The following ATF7IP2 variants were observed in gnomAD, a reference collection of about 807,000 sequenced individuals.
ATF7IP2 encodes activating transcription factor 7-interacting protein 2.
ATF7IP2 carries 42 observed loss-of-function variants against 64.2 expected under a neutral mutation model. The ratio of observed to expected loss-of-function variants is 0.65; its 90% CI spans 0.51 to 0.85. The LOEUF (loss-of-function observed/expected upper bound fraction) is 0.85. Among genes scored for constraint, ATF7IP2 ranks in the 40% least tolerant of loss-of-function variants. ATF7IP2 has a pLI of 0.00. For synonymous variants in ATF7IP2, 308 were observed against 272.8 expected (o/e 1.13, Z -1.27); for missense variants, 933 against 784.2 (o/e 1.19, Z -2.27).
intron 12 of ATF7IP2, among the ~76,000 whole-genome samples, chr16:10,476,046 AT>A (rs1471046982): frequency 6.6e-6 from 1 of 152,186 alleles, no homozygotes; most frequent in East Asian, 1.9e-4. Flanking sequence ...AAGGAATATT[AT>A]TTACAAGAAA....
intron 3 of ATF7IP2, among the ~76,000 whole-genome samples, 161 bp from the exon 4 acceptor site, chr16:10,428,707 G>T (rs567083834): frequency 4.6e-5 from 7 of 152,064 alleles, no homozygotes; most frequent in Non-Finnish European, 7.4e-5. Flanking sequence ...GGAACCAGAA[G>T]GTAATCAGGA....
At chr16:10,441,264 C>A (rs2048611837) in intron 8 of ATF7IP2, among the ~76,000 whole-genome samples, 1 of 151,964 alleles carries the variant, frequency 6.6e-6, no homozygotes, top group African/African-American at 2.4e-5. Context: ...GGGTATATAC[C>A]CAGTAATGGG....
intron 3 of ATF7IP2, among the ~76,000 whole-genome samples, chr16:10,421,299 CTA>C (rs2047984134): frequency 6.6e-6 from 1 of 152,134 alleles, no homozygotes; most frequent in East Asian, 1.9e-4. Flanking sequence ...AATTAGAAAT[CTA>C]GAGTCTTCTC....
At chr16:10,417,851 T>A (rs2047910005) in intron 2 of ATF7IP2, among the ~76,000 whole-genome samples, 1 of 152,200 alleles carries the variant, frequency 6.6e-6, no homozygotes. Context: ...AACCCAGAAA[T>A]ACACCTTCTC....
intron 7 of ATF7IP2, among the ~76,000 whole-genome samples, chr16:10,439,217 G>GT (rs931314496): frequency 2.6e-5 from 4 of 151,954 alleles, no homozygotes; most frequent in Non-Finnish European, 5.9e-5. Flanking sequence ...CCAATTAGAA[G>GT]TTTGAGTTTT....
chr16:10,457,469 C>A lies in ATF7IP2; in HGVS notation c.1292C>A (p.Ser431Tyr). ...GTGAATTATGAGCCTTCTAACCCTT[C>A]CGAAAAAGGAAGTAAAAAAATTAAT... Reference protein sequence around the residue: ...SSVNYEPSNPSEKGSKKINLS... With the variant: ...SSVNYEPSNPYEKGSKKINLS... The change falls in exon 9 of 14, where the codon TCC (serine) becomes TAC (tyrosine). Residue 431 changes from serine (S) to tyrosine (Y), a missense_variant. Transcript: ENST00000562102. 1 of 1,595,242 alleles carries A rather than the reference C, an allele frequency of 6.3e-7. No homozygotes were observed.
In ATF7IP2 at chr16:10,471,932, A is replaced by C. The variant is rs2142069702; in HGVS notation, c.1353-178A>C. The C allele has an allele frequency of 9.5e-6, 4 of 422,672 alleles. No homozygotes were observed. In the East Asian group the frequency reaches 1.5e-4, roughly 16 times the overall value. The allele number at this position is 422,672 out of a possible 1,614,324, so 26.2% of individuals were successfully genotyped here. On this transcript the variant is annotated intron_variant, in intron 9 of 13. Coordinates refer to ENST00000562102, the MANE Select transcript of ATF7IP2 (RefSeq NM_001393719.1). ...GATGAATCTTTAGTCATATAACGGA[A>C]CTGGTAATAAATGGAGTTTTTTTGG...
intron 12 of ATF7IP2, among the ~76,000 whole-genome samples, chr16:10,475,804 G>C (rs2049988681): frequency 6.7e-6 from 1 of 148,156 alleles, no homozygotes; most frequent in Non-Finnish European, 1.5e-5. Flanking sequence ...ATTTAAACCT[G>C]ACCACACTGA....
intron 1 of ATF7IP2, among the ~76,000 whole-genome samples, chr16:10,389,879 C>G (rs1397868240): frequency 6.6e-6 from 1 of 152,192 alleles, no homozygotes; most frequent in African/African-American, 2.4e-5. Context: ...TAACTGCCAC[C>G]TGGCCTGAGT....
Position 10,482,374 on chromosome 16 carries a change from T to C in ATF7IP2, c.*125T>C. On this transcript the variant is annotated 3_prime_UTR_variant, in exon 14 of 14. Coordinates refer to ENST00000562102, the MANE Select transcript of ATF7IP2 (RefSeq NM_001393719.1). ...TGAGCCCTTTCTATTGGGACAGTCC[T>C]CTTCTATATGTTTTAAGTGGCCAGT... The C allele has an allele frequency of 1.5e-6, 1 of 681,406 alleles. No homozygotes were observed. The highest frequency in any genetic ancestry group is 3.2e-5 in the Admixed American group (1 of 31,508). 42.2% of individuals were successfully genotyped at this position (681,406 alleles called of 1,614,324 possible).
In ATF7IP2 at chr16:10,431,188, G is replaced by A. The variant is rs1256500590; in HGVS notation, c.568G>A (p.Gly190Ser). 1 of 1,614,092 alleles carries A rather than the reference G, an allele frequency of 6.2e-7. No individual in the cohort carries two copies. The highest frequency in any genetic ancestry group is 8.5e-7 in the Non-Finnish European group (1 of 1,180,016). ...MPESTVTSTV[G>S]DKKTDQMVFH... is the part of the protein sequence containing the mutation. ...AGAGTCTACAGTAACCAGTACCGTG[G>A]GTGACAAGAAAACTGACCAGATGGT... Residue 190 changes from glycine to serine, a missense_variant, in exon 5 of 14, where the codon GGT (glycine) becomes AGT (serine). Physicochemically the swap from Gly to Ser is moderately conservative, Grantham distance 56. Coordinates refer to ENST00000562102, the MANE Select transcript of ATF7IP2 (RefSeq NM_001393719.1).
At chr16:10,460,055 T>C (rs1257420503) in intron 9 of ATF7IP2, among the ~76,000 whole-genome samples, 1 of 152,138 alleles carries the variant, frequency 6.6e-6, no homozygotes, top group African/African-American at 2.4e-5. Context: ...AGATTAATTA[T>C]TAAAATTAAT....
In ATF7IP2 at chr16:10,416,662, T is replaced by G. The variant is rs773304149; in HGVS notation, c.-203+2050T>G. The stretch of plus-strand genomic sequence containing the variant: ...CACAAAAGTTAGCCTGGTGTGGTAG[T>G]GATGGGCACCTGTAATCCCTGCTAC... On this transcript the variant is annotated intron_variant, in intron 2 of 13. Transcript: ENST00000562102. Among the ~76,000 whole-genome samples the G allele has an allele frequency of 2.6e-5, 4 of 152,072 alleles. No homozygotes were observed. In the South Asian group the frequency reaches 8.3e-4, roughly 32 times the overall value.
chr16:10,400,185 C>T (rs376299360), intron 1 of ATF7IP2, among the ~76,000 whole-genome samples: 5 of 152,016 alleles, frequency 3.3e-5, no homozygotes, highest in South Asian at 2.1e-4. Flanking sequence ...GGATTACAGG[C>T]GCCTGCCACC....
chr16:10,476,711 G>C (rs1324837686), intron 12 of ATF7IP2, among the ~76,000 whole-genome samples: 1 of 151,968 alleles, frequency 6.6e-6, no homozygotes. Context: ...CTATGTCCAT[G>C]TGTTCTCATT....
chr16:10,475,722 G>GAAAAAAAAAAACAAA (rs2049979872), intron 12 of ATF7IP2, among the ~76,000 whole-genome samples: 1 of 41,646 alleles, frequency 2.4e-5, no homozygotes, highest in African/African-American at 1.2e-4. Context: ...TAAGAAGCCA[G>GAAAAAAAAAAACAAA]AAAAAAAAAA....
At chr16:10,441,604 T>C (rs1173094355) in intron 8 of ATF7IP2, among the ~76,000 whole-genome samples, 2 of 152,226 alleles carry the variant, frequency 1.3e-5, no homozygotes, top group African/African-American at 4.8e-5. Flanking sequence ...GGGTTGTTTT[T>C]TTCTTGTAAA....
chr16:10,403,519 G>T (rs532814900), intron 1 of ATF7IP2, among the ~76,000 whole-genome samples: 1 of 152,250 alleles, frequency 6.6e-6, no homozygotes, highest in East Asian at 1.9e-4. Context: ...CTCTGGATGT[G>T]CAGAAATAAG....
At chr16:10,459,825 G>C (rs1194741158) in intron 9 of ATF7IP2, among the ~76,000 whole-genome samples, 1 of 152,046 alleles carries the variant, frequency 6.6e-6, no homozygotes, top group Non-Finnish European at 1.5e-5. Context: ...GAATCCCTAA[G>C]ACAAATCTGA....
Sources: allele counts gnomAD v4.1 joint callset (sites outside exome capture counted in the v4.1 genomes callset), GRCh38; gene constraint gnomAD v4.1.1; transcripts MANE v1.5; gene names NCBI Gene and HGNC (gene_info 2026-07-23, HGNC 2026-07-21).